Variants in NPAS3 observed in about 807,000 individuals in gnomAD.
NPAS3 encodes the protein neuronal PAS domain-containing protein 3.
NPAS3 carries 14 observed loss-of-function variants against 73.1 expected under a neutral mutation model. That is an observed-to-expected ratio of 0.19 (90% confidence interval 0.13 to 0.30). The LOEUF (loss-of-function observed/expected upper bound fraction) is 0.30. NPAS3 is among the 10% of genes least tolerant of loss of function. NPAS3 has a pLI of 1.00. For missense variants in NPAS3, 1,096 were observed against 1,250.0 expected, an observed-to-expected ratio of 0.88 and a Z score of 1.86; for synonymous variants, 620 against 541.5, an observed-to-expected ratio of 1.14 and a Z score of -2.01.
At chr14:33,560,600 A>G (rs917870746) in intron 5 of NPAS3, among the ~76,000 whole-genome samples, 20 of 152,298 alleles carry the variant, frequency 1.3e-4, no homozygotes, top group African/African-American at 4.6e-4. Flanking sequence ...GAGCTGACAC[A>G]ATGGCAGGAG....
intron 3 of NPAS3, among the ~76,000 whole-genome samples, chr14:33,284,740 T>C (rs1329208865): frequency 6.6e-6 from 1 of 150,898 alleles, no homozygotes; most frequent in Non-Finnish European, 1.5e-5. Flanking sequence ...GGTCTACATA[T>C]TTCATATCTA....
intron 4 of NPAS3, among the ~76,000 whole-genome samples, chr14:33,461,928 T>C (rs2050287529): frequency 6.6e-6 from 1 of 152,174 alleles, no homozygotes; most frequent in African/African-American, 2.4e-5. Context: ...ATAGAGACAA[T>C]AGAGATTTCA....
At chr14:33,103,189 C>T (rs1164271834) in intron 2 of NPAS3, among the ~76,000 whole-genome samples, 5 of 152,132 alleles carry the variant, frequency 3.3e-5, no homozygotes, top group Non-Finnish European at 7.4e-5. Context: ...TCCTGCAAAC[C>T]AGGCTCTCAT....
chr14:33,330,135 C>G (rs753638395), intron 3 of NPAS3, among the ~76,000 whole-genome samples: 1 of 151,850 alleles, frequency 6.6e-6, no homozygotes, highest in Non-Finnish European at 1.5e-5. Flanking sequence ...CCCAGCTATT[C>G]GAGAGGCCAA....
chr14:33,545,468 T>C (rs2054800233), intron 4 of NPAS3, among the ~76,000 whole-genome samples: 1 of 152,182 alleles, frequency 6.6e-6, no homozygotes. Context: ...ATGAATAATA[T>C]ATAGATGTTG....
chr14:33,423,289 T>C (rs1030116035), intron 4 of NPAS3, among the ~76,000 whole-genome samples: 19 of 152,014 alleles, frequency 1.2e-4, no homozygotes, highest in African/African-American at 4.3e-4. Context: ...GACTTTTTGC[T>C]TTTTTATGGG....
chr14:33,744,013 G>T (rs538716007), intron 7 of NPAS3, among the ~76,000 whole-genome samples: 1 of 152,320 alleles, frequency 6.6e-6, no homozygotes, highest in East Asian at 1.9e-4. Flanking sequence ...CAGAACACTA[G>T]AACTTTCTCC....
At chr14:33,043,248 G>T (rs1214227324) in intron 1 of NPAS3, among the ~76,000 whole-genome samples, 1 of 152,020 alleles carries the variant, frequency 6.6e-6, no homozygotes, top group Non-Finnish European at 1.5e-5. Flanking sequence ...ATAAAACATT[G>T]TTTTTTAGGA....
At chr14:33,532,879 T>C (rs560484023) in intron 4 of NPAS3, among the ~76,000 whole-genome samples, 1 of 152,220 alleles carries the variant, frequency 6.6e-6, no homozygotes, top group African/African-American at 2.4e-5. Flanking sequence ...TGTTGGTTCA[T>C]TGTCCTAGAA....
At chr14:33,257,707 C>A (rs1470919851) in intron 3 of NPAS3, among the ~76,000 whole-genome samples, 1 of 152,132 alleles carries the variant, frequency 6.6e-6, no homozygotes, top group African/African-American at 2.4e-5. Context: ...TTCCACAATT[C>A]ACCATTAACA....
At chr14:33,090,798 C>T (rs1339038906) in intron 2 of NPAS3, among the ~76,000 whole-genome samples, 1 of 152,214 alleles carries the variant, frequency 6.6e-6, no homozygotes, top group Non-Finnish European at 1.5e-5. Flanking sequence ...AACAAACTCT[C>T]TCAGACCACT....
At chr14:33,295,145 C>T (rs186900994) in intron 3 of NPAS3, among the ~76,000 whole-genome samples, 57 of 152,176 alleles carry the variant, frequency 3.7e-4, no homozygotes, top group Admixed American at 1.9e-3. Flanking sequence ...ATTTTTAAAA[C>T]GAAAACAAAT....
At chr14:33,755,747 T>C (rs2062095011) in intron 7 of NPAS3, among the ~76,000 whole-genome samples, 1 of 152,126 alleles carries the variant, frequency 6.6e-6, no homozygotes, top group Non-Finnish European at 1.5e-5. Context: ...GGAAAGAGGC[T>C]TATTTGGCTC....
intron 3 of NPAS3, among the ~76,000 whole-genome samples, chr14:33,329,049 A>G (rs1017896579): frequency 3.3e-5 from 5 of 152,110 alleles, no homozygotes; most frequent in Non-Finnish European, 4.4e-5. Context: ...TGCTGTCTGG[A>G]CATTCCTTAT....
At chr14:33,475,823 G>A (rs1346357953) in intron 4 of NPAS3, among the ~76,000 whole-genome samples, 1 of 152,126 alleles carries the variant, frequency 6.6e-6, no homozygotes, top group African/African-American at 2.4e-5. Context: ...TTCTCATTGT[G>A]TTACTTCACC....
intron 6 of NPAS3, among the ~76,000 whole-genome samples, chr14:33,701,903 G>T (rs2060532781): frequency 6.6e-6 from 1 of 152,198 alleles, no homozygotes; most frequent in Non-Finnish European, 1.5e-5. Context: ...AGATGAATAA[G>T]AAATGGTATC....
At chr14:32,980,596 A>T (rs2037856787) in intron 1 of NPAS3, among the ~76,000 whole-genome samples, 2 of 152,168 alleles carry the variant, frequency 1.3e-5, no homozygotes, top group Non-Finnish European at 2.9e-5. Flanking sequence ...TTCTTCTTGG[A>T]CGCTACCATT....
intron 3 of NPAS3, among the ~76,000 whole-genome samples, chr14:33,343,598 C>T (rs1009673282): frequency 7.2e-5 from 11 of 152,146 alleles, no homozygotes; most frequent in Admixed American, 2.0e-4. Flanking sequence ...CTGGAACATT[C>T]TTCGGATTCA....
intron 4 of NPAS3, among the ~76,000 whole-genome samples, chr14:33,488,119 G>T (rs1002556043): frequency 1.3e-5 from 2 of 152,122 alleles, no homozygotes; most frequent in African/African-American, 2.4e-5. Flanking sequence ...TCACTTCTCT[G>T]GGAAAAGAAC....
Sources: allele counts gnomAD v4.1 joint callset (sites outside exome capture counted in the v4.1 genomes callset), GRCh38; gene constraint gnomAD v4.1.1; transcripts MANE v1.5; gene names NCBI Gene and HGNC (gene_info 2026-07-23, HGNC 2026-07-21).